Variants in NUP153 observed in about 807,000 individuals in gnomAD.
The protein encoded by NUP153 is nucleoporin 153.
NUP153 carries 27 observed loss-of-function variants against 134.6 expected under a neutral mutation model. The ratio of observed to expected loss-of-function variants is 0.20; its 90% CI spans 0.15 to 0.28. NUP153 has a LOEUF of 0.28. NUP153 is among the 10% of genes least tolerant of loss of function. The pLI is 1.00. For synonymous variants in NUP153, 640 were observed against 623.5 expected, an observed-to-expected ratio of 1.03 and a Z score of -0.40; for missense variants, 1,821 against 1,731.3, an observed-to-expected ratio of 1.05 and a Z score of -0.92.
chr6:17,678,138 T>A (rs186283612), intron 2 of NUP153, among the ~76,000 whole-genome samples: 169 of 152,026 alleles, frequency 1.1e-3, no homozygotes, highest in African/African-American at 3.7e-3. Flanking sequence ...GGCAGATGAC[T>A]TGAGGTCAGG....
At chr6:17,677,720 A>G (rs1315983721) in intron 2 of NUP153, among the ~76,000 whole-genome samples, 4 of 127,484 alleles carry the variant, frequency 3.1e-5, no homozygotes, top group Non-Finnish European at 6.3e-5. Flanking sequence ...AAAGTACATA[A>G]TTTTTTTTTT....
intron 20 of NUP153, among the ~76,000 whole-genome samples, chr6:17,619,926 C>T (rs1036192110): frequency 9.9e-5 from 15 of 151,886 alleles, no homozygotes; most frequent in African/African-American, 2.9e-4. Context: ...GGCAAAACCC[C>T]GTCTCTACTA....
intron 8 of NUP153, among the ~76,000 whole-genome samples, chr6:17,666,215 A>G (rs979825850): frequency 6.6e-6 from 1 of 152,100 alleles, no homozygotes; most frequent in Non-Finnish European, 1.5e-5. Flanking sequence ...TGCAAATAAG[A>G]TATTTTAAAA....
intron 17 of NUP153, among the ~76,000 whole-genome samples, chr6:17,630,782 AAG>A (rs1266443793): frequency 6.6e-6 from 1 of 150,850 alleles, no homozygotes; most frequent in African/African-American, 2.4e-5. Flanking sequence ...GAGAGGAGAG[AAG>A]AGAGAAGACA....
intron 17 of NUP153, among the ~76,000 whole-genome samples, chr6:17,629,799 T>C (rs1426689436): frequency 6.6e-6 from 1 of 152,244 alleles, no homozygotes; most frequent in Non-Finnish European, 1.5e-5. Context: ...ATAAAGTTTG[T>C]ACTAGTGATG....
intron 1 of NUP153, among the ~76,000 whole-genome samples, chr6:17,701,833 G>GGGGGA: frequency 2.0e-5 from 1 of 48,958 alleles, no homozygotes; most frequent in Non-Finnish European, 5.1e-5. Flanking sequence ...ACTCTGTCTC[G>GGGGGA]GGGGGGGGGG....
intron 1 of NUP153, 42 bp from the exon 2 acceptor site, chr6:17,688,660 A>G (rs752070261): frequency 1.2e-5 from 18 of 1,504,804 alleles, no homozygotes; most frequent in Non-Finnish European, 1.6e-5. Context: ...TTAGAAATTT[A>G]TCTTTTTAAA....
intron 1 of NUP153, among the ~76,000 whole-genome samples, chr6:17,701,538 T>C (rs1369194433): frequency 6.6e-6 from 1 of 151,140 alleles, no homozygotes; most frequent in Admixed American, 6.6e-5. Flanking sequence ...GGCACGTGCC[T>C]GTAGTCCCAG....
At chr6:17,650,173 A>T (rs897434296) in intron 11 of NUP153, among the ~76,000 whole-genome samples, 1 of 152,232 alleles carries the variant, frequency 6.6e-6, no homozygotes, top group Non-Finnish European at 1.5e-5. Flanking sequence ...CTGAAGGCAC[A>T]AGAGCAACCA....
At chr6:17,642,026 G>A (rs1765868256) in intron 14 of NUP153, among the ~76,000 whole-genome samples, 1 of 151,682 alleles carries the variant, frequency 6.6e-6, no homozygotes, top group Non-Finnish European at 1.5e-5. Context: ...TTAAAAAGTA[G>A]TAGGTAAAGT....
Position 17,680,757 on chromosome 6 carries a change from T to C in NUP153, c.335-4987A>G, listed in dbSNP as rs982154909. ...CAACCCCCAGTGAAAATGGCTTTTA[T>C]CAAAAAGGCAATAATGGATGCTGGT... On this transcript the variant is annotated intron_variant, in intron 2 of 21. Transcript: ENST00000262077. The surrounding 1 kb of genome is among the most constrained non-coding windows in gnomAD (Gnocchi z 4.5). Among the ~76,000 whole-genome samples the C allele has an allele frequency of 6.6e-6, 1 of 152,146 alleles. No individual in the cohort carries two copies. The highest frequency in any genetic ancestry group is 1.5e-5 in the Non-Finnish European group (1 of 68,018).
rs375590903 is a variant in NUP153, at chr6:17,688,348, G to C, written c.334+48C>G. 13 of 1,418,556 alleles carry C rather than the reference G, an allele frequency of 9.2e-6. No homozygotes were observed. In the African/African-American group the frequency reaches 1.5e-4, roughly 17 times the overall value. 87.9% of individuals were successfully genotyped at this position (1,418,556 alleles called of 1,614,324 possible). A position where few individuals can be genotyped will look rare whatever the true frequency, so the allele number is the denominator to read the frequency against. On this transcript the variant is annotated intron_variant, in intron 2 of 21. Transcript: ENST00000262077. ...TAACTAGGTAGTGTCTTCAAAATTAGGGCATGAAAACCTATCATTCATGAC... is the reference window on the plus strand; with the variant it reads ...TAACTAGGTAGTGTCTTCAAAATTACGGCATGAAAACCTATCATTCATGAC...
intron 11 of NUP153, among the ~76,000 whole-genome samples, chr6:17,659,371 TAAATAATGATTTAAA>T (rs1412359756): frequency 2.6e-5 from 4 of 152,278 alleles, no homozygotes; most frequent in Non-Finnish European, 4.4e-5. Flanking sequence ...TGAGCCTAGT[TAAATAATGATTTAAA>T]ATTCATGGTC....
rs1481575095 is a variant in NUP153, at chr6:17,632,751, C to T, written c.2558G>A (p.Gly853Glu). ...TAGGCACAATTCACAGTCCCAGCTT[C>T]CCTCGGGTTTCTTGAACTTTTCCAA... ...LGLEKFKKPE[G>E]SWDCELCLVQ... The change falls in exon 17 of 22, where the codon GGA becomes GAA. Residue 853 changes from glycine to glutamate, a missense_variant. By Grantham distance (98) the Gly-to-Glu change is moderately conservative. Transcript: ENST00000262077. 1.9e-6 allele frequency: 3 copies of T among 1,613,648 alleles called. No individual in the cohort carries two copies. Among genetic ancestry groups the T allele is most frequent in the Non-Finnish European group, 1.7e-6 (2 of 1,179,958 alleles).
chr6:17,618,630 G>A (rs1221952877), intron 20 of NUP153, among the ~76,000 whole-genome samples: 1 of 149,656 alleles, frequency 6.7e-6, no homozygotes, highest in East Asian at 2.0e-4. Flanking sequence ...CAGTGGCACG[G>A]TCTCAGCTCA....
chr6:17,637,801 T>TA, intron 15 of NUP153, 31 bp from the exon 16 acceptor site: 1 of 1,551,512 alleles, frequency 6.4e-7, no homozygotes, highest in South Asian at 1.2e-5. Context: ...AGTGCAACGT[T>TA]AGAGAAGCTT....
chr6:17,702,973 G>C (rs1029055089), intron 1 of NUP153, among the ~76,000 whole-genome samples: 1 of 152,048 alleles, frequency 6.6e-6, no homozygotes, highest in Non-Finnish European at 1.5e-5. Context: ...GGCTGTGGCG[G>C]GTGGATCACC....
At chr6:17,686,810 T>C (rs1004195790) in intron 2 of NUP153, among the ~76,000 whole-genome samples, 1 of 145,586 alleles carries the variant, frequency 6.9e-6, no homozygotes, top group Non-Finnish European at 1.5e-5. Context: ...GGTAGGGAAA[T>C]AGGCGTGCGA....
intron 11 of NUP153, among the ~76,000 whole-genome samples, chr6:17,657,276 T>C (rs9477500): frequency 6.6e-6 from 1 of 151,764 alleles, no homozygotes; most frequent in Non-Finnish European, 1.5e-5. Flanking sequence ...GCACAGTGAC[T>C]CACACCTGTA....
Sources: gnomAD v4.1 joint callset for allele counts (sites outside exome capture counted in the v4.1 genomes callset) on GRCh38, gnomAD v4.1.1 for gene constraint, Gnocchi (gnomAD v3.1) non-coding constraint, MANE v1.5 for transcripts, NCBI Gene and HGNC (gene_info 2026-07-23, HGNC 2026-07-21) for gene names.